The following CACNA1D variants were observed in gnomAD, a reference collection of about 807,000 sequenced individuals.
CACNA1D encodes calcium voltage-gated channel subunit alpha1 D.
Under a neutral mutation model 257.1 loss-of-function variants are expected in CACNA1D, and 55 were observed. The ratio of observed to expected loss-of-function variants is 0.21; its 90% CI spans 0.17 to 0.27. The LOEUF (loss-of-function observed/expected upper bound fraction) is 0.27, where lower values mean the gene tolerates loss of function less well. Among genes scored for constraint, CACNA1D ranks in the 10% least tolerant of loss-of-function variants. CACNA1D has a pLI of 1.00. For missense variants in CACNA1D, 1,876 were observed against 2,784.0 expected (o/e 0.67, Z 7.34); for synonymous variants, 980 against 1,014.9 (o/e 0.97, Z 0.65).
At chr3:53,761,855 C>G in intron 29 of CACNA1D, 143 bp from the exon 30 acceptor site, 1 of 709,298 alleles carries the variant, frequency 1.4e-6, no homozygotes, top group Non-Finnish European at 2.6e-6. Flanking sequence ...CACCAGTGGA[C>G]AGTATTGTTA....
intron 46 of CACNA1D, chr3:53,809,696 C>A (rs2095586046): frequency 6.1e-6 from 3 of 495,198 alleles, no homozygotes; most frequent in African/African-American, 3.9e-5. Context: ...TTCCCTGATT[C>A]TTCATTCTGA....
At chr3:53,713,539 TGTGTGAGA>T (rs1450030237) in intron 9 of CACNA1D, among the ~76,000 whole-genome samples, 3 of 136,352 alleles carry the variant, frequency 2.2e-5, no homozygotes, top group African/African-American at 9.8e-5. Flanking sequence ...TGTGTGTGTG[TGTGTGAGA>T]GATTTGCCTC....
intron 3 of CACNA1D, among the ~76,000 whole-genome samples, chr3:53,573,917 C>A (rs1314572517): frequency 6.6e-6 from 1 of 152,084 alleles, no homozygotes; most frequent in Non-Finnish European, 1.5e-5. Context: ...TAACCATCAC[C>A]ACTGTCTGCT....
intron 3 of CACNA1D, among the ~76,000 whole-genome samples, chr3:53,576,456 T>C (rs977763218): frequency 6.6e-6 from 1 of 152,228 alleles, no homozygotes; most frequent in African/African-American, 2.4e-5. Context: ...GAGTCATTGC[T>C]TTCTGTAATG....
chr3:53,595,958 C>T (rs370040248), intron 3 of CACNA1D, among the ~76,000 whole-genome samples: 2 of 152,198 alleles, frequency 1.3e-5, no homozygotes, highest in African/African-American at 4.8e-5. Context: ...TGTCAACAAC[C>T]GGTTTAGACC....
In CACNA1D at chr3:53,704,360, C is replaced by G. The variant is rs1427181758; in HGVS notation, c.1390+1550C>G. On this transcript the variant is annotated intron_variant, in intron 9 of 47. Transcript: ENST00000350061. ...GGGTCAGGCCTCTCTTCTCTCCCTC[C>G]CTGCTTCTTGCCAGGCTCAGGAAGG... Among the ~76,000 whole-genome samples, 3 of 152,148 alleles carry G rather than the reference C, an allele frequency of 2.0e-5. No individual in the cohort carries two copies. The East Asian group carries it at 5.8e-4, about 29-fold the overall frequency.
chr3:53,710,656 C>T (rs137924418), intron 9 of CACNA1D, among the ~76,000 whole-genome samples: 1 of 152,284 alleles, frequency 6.6e-6, no homozygotes, highest in East Asian at 1.9e-4. Context: ...ACCAAGATAG[C>T]ATTGCAGTTT....
intron 3 of CACNA1D, among the ~76,000 whole-genome samples, chr3:53,627,357 G>A (rs2108086800): frequency 6.6e-6 from 1 of 152,312 alleles, no homozygotes; most frequent in South Asian, 2.1e-4. Flanking sequence ...CAGGTCAAAA[G>A]GTAGCATGGC....
chr3:53,572,270 C>T (rs946661459), intron 3 of CACNA1D, among the ~76,000 whole-genome samples: 7 of 152,168 alleles, frequency 4.6e-5, no homozygotes, highest in East Asian at 1.9e-4. Flanking sequence ...GGGTGCTGAC[C>T]CCACAAGTTG....
chr3:53,673,640 T>C lies in CACNA1D; in HGVS notation c.1220+514T>C. 9.2e-7 allele frequency: 1 copy of C among 1,090,254 alleles called. No homozygotes were observed. Among genetic ancestry groups the C allele is most frequent in the Non-Finnish European group, 1.4e-6 (1 of 702,298 alleles). The allele number at this position is 1,090,254 out of a possible 1,614,324, so 67.5% of individuals were successfully genotyped here. On this transcript the variant is annotated intron_variant, in intron 8 of 47. Coordinates refer to ENST00000350061, the MANE Select transcript of CACNA1D (RefSeq NM_001128840.3). This position sits in a 1 kb window ranked among gnomAD's most constrained non-coding sequence, Gnocchi z 4.1. ...TAACCTTCAGCAAAGCACTGAGAGGTTTGGCAGCTGCAACTGGGGCTCTGC... is the reference window on the plus strand; with the variant it reads ...TAACCTTCAGCAAAGCACTGAGAGGCTTGGCAGCTGCAACTGGGGCTCTGC...
intron 9 of CACNA1D, among the ~76,000 whole-genome samples, chr3:53,715,677 C>T (rs992462069): frequency 9.2e-5 from 14 of 152,164 alleles, no homozygotes; most frequent in Admixed American, 6.5e-5. Context: ...AGGTCACAAA[C>T]GCGGGGTTAA....
At chr3:53,645,106 T>C (rs2094005211) in intron 3 of CACNA1D, among the ~76,000 whole-genome samples, 1 of 152,230 alleles carries the variant, frequency 6.6e-6, no homozygotes, top group Admixed American at 6.5e-5. Context: ...ATCTTTTGGC[T>C]ATTTGTATGT....
Position 53,775,963 on chromosome 3 carries a change from A to C in CACNA1D, c.4280A>C (p.Tyr1427Ser). 6.2e-7 allele frequency: 1 copy of C among 1,614,076 alleles called. No individual in the cohort carries two copies. The highest frequency in any genetic ancestry group is 1.7e-5 in the Admixed American group (1 of 60,028). Residue 1427 changes from tyrosine (Y) to serine (S), a missense_variant, in exon 35 of 48, where the codon TAC becomes TCC. Tyr to Ser is a moderately radical substitution (Grantham distance 144). This residue lies in a region of CACNA1D where 83 missense variants were observed against 210.7 expected (regional missense o/e 0.39). Transcript: ENST00000350061. Reference protein sequence around the residue: ...PGKLCDPESDYNPGEEYTCGS... With the variant: ...PGKLCDPESDSNPGEEYTCGS... The stretch of plus-strand genomic sequence containing the variant: ...AAGCTCTGTGACCCTGAGTCAGATT[A>C]CAACCCCGGGGAGGAGTATACATGT...
intron 4 of CACNA1D, among the ~76,000 whole-genome samples, chr3:53,655,415 C>A (rs1054495932): frequency 6.6e-6 from 1 of 152,194 alleles, no homozygotes; most frequent in African/African-American, 2.4e-5. Flanking sequence ...AATGGATGAA[C>A]TAGTTCACAC....
intron 9 of CACNA1D, among the ~76,000 whole-genome samples, chr3:53,705,551 A>T (rs2108607738): frequency 6.6e-6 from 1 of 152,232 alleles, no homozygotes; most frequent in East Asian, 1.9e-4. Context: ...AATAGCAAAT[A>T]TTTCTGTGGT....
chr3:53,546,845 T>C (rs2092423711), intron 3 of CACNA1D, among the ~76,000 whole-genome samples: 2 of 152,078 alleles, frequency 1.3e-5, no homozygotes, highest in Non-Finnish European at 1.5e-5. Flanking sequence ...ACCATGGGAG[T>C]TGTAAAATAT....
At chr3:53,791,441 G>A (rs2095482366) in intron 40 of CACNA1D, 2 of 160,676 alleles carry the variant, frequency 1.2e-5, no homozygotes, top group Non-Finnish European at 2.7e-5. Flanking sequence ...AGATTAAGCA[G>A]ACCTGCCTAA....
At chr3:53,602,071 A>G (rs945289985) in intron 3 of CACNA1D, among the ~76,000 whole-genome samples, 8 of 152,010 alleles carry the variant, frequency 5.3e-5, no homozygotes, top group African/African-American at 1.9e-4. Flanking sequence ...TTATTTCTTC[A>G]ATCTATTTGT....
chr3:53,618,946 C>T (rs1316467564), intron 3 of CACNA1D, among the ~76,000 whole-genome samples: 1 of 152,144 alleles, frequency 6.6e-6, no homozygotes, highest in African/African-American at 2.4e-5. Context: ...CTCTTAGGTC[C>T]TAGGGTTTTG....
Sources: gnomAD v4.1 joint callset for allele counts (sites outside exome capture counted in the v4.1 genomes callset) on GRCh38, gnomAD v4.1.1 for gene constraint, gnomAD v4.1.1 regional missense constraint, Gnocchi (gnomAD v3.1) non-coding constraint, MANE v1.5 for transcripts, NCBI Gene and HGNC (gene_info 2026-07-23, HGNC 2026-07-21) for gene names.